NEK1: variants seen among roughly 807,000 people sequenced by gnomAD.
The protein encoded by NEK1 is NIMA related kinase 1.
Under a neutral mutation model 182.1 loss-of-function variants are expected in NEK1, and 137 were observed. That is an observed-to-expected ratio of 0.75 (90% CI 0.65 to 0.87). NEK1 has a LOEUF of 0.87. Among genes scored for constraint, NEK1 ranks in the 40% least tolerant of loss-of-function variants. The pLI is 0.00. For synonymous variants in NEK1, 513 were observed against 492.2 expected, an observed-to-expected ratio of 1.04 and a Z score of -0.56; for missense variants, 1,391 against 1,494.4, an observed-to-expected ratio of 0.93 and a Z score of 1.14.
intron 23 of NEK1, among the ~76,000 whole-genome samples, chr4:169,495,046 T>G (rs1750908945): frequency 1.3e-5 from 2 of 152,160 alleles, no homozygotes; most frequent in South Asian, 4.1e-4. Flanking sequence ...AGGTTGCCTG[T>G]TCACTCTGAT....
At chr4:169,502,203 C>A (rs1217445797) in intron 23 of NEK1, among the ~76,000 whole-genome samples, 3 of 150,930 alleles carry the variant, frequency 2.0e-5, no homozygotes, top group African/African-American at 4.9e-5. Flanking sequence ...AAACTGAAAC[C>A]TTGAACAGAC....
chr4:169,545,956 C>A (rs199605718), intron 18 of NEK1, among the ~76,000 whole-genome samples: 2 of 152,086 alleles, frequency 1.3e-5, no homozygotes, highest in African/African-American at 4.8e-5. Flanking sequence ...TCCATGCTCA[C>A]GGGTAGGAAG....
intron 5 of NEK1, among the ~76,000 whole-genome samples, chr4:169,597,643 A>G (rs1459512208): frequency 2.0e-5 from 3 of 152,072 alleles, no homozygotes; most frequent in South Asian, 2.1e-4. Context: ...CTTAAAAATA[A>G]TAATATCCCA....
rs543772064 is a variant in NEK1 at position 169,444,879 on chromosome 4, G to A, written c.2588-6620C>T. Among the ~76,000 whole-genome samples the A allele has an allele frequency of 3.9e-5, 6 of 152,198 alleles. No individual in the cohort carries two copies. The East Asian group carries it at 5.8e-4, about 15-fold the overall frequency. On this transcript the variant is annotated intron_variant, in intron 27 of 35. Coordinates refer to ENST00000507142, the MANE Select transcript of NEK1 (RefSeq NM_001199397.3). ...AAAACAAATCTCAACAAATTAAAAC[G>A]TAACTACTTCATATCAAGTACCTTC...
Position 169,537,860 on chromosome 4 carries a change from C to A in NEK1, c.1614G>T (p.Leu538=). 1.2e-6 allele frequency: 2 copies of A among 1,611,854 alleles called. No homozygotes were observed. Among genetic ancestry groups the A allele is most frequent in the Non-Finnish European group, 8.5e-7 (1 of 1,178,762 alleles). The change falls in exon 19 of 36, where the codon CTG becomes CTT. Residue 538 remains leucine (L), a synonymous_variant. Transcript: ENST00000507142. The part of the protein sequence containing the change: ...VERAKQVEEF[L]QRKREAMQNK... ...TCTGCATAGCTTCCCGTTTTCGCTGCAGGAACTCTTCTACTTGTTTAGCTC... is the reference window on the plus strand; with the variant it reads ...TCTGCATAGCTTCCCGTTTTCGCTGAAGGAACTCTTCTACTTGTTTAGCTC...
rs968388142 is a variant in NEK1, at chr4:169,603,131, T to C, written c.-48-453A>G. On this transcript the variant is annotated intron_variant, in intron 2 of 35. Coordinates refer to ENST00000507142, the MANE Select transcript of NEK1 (RefSeq NM_001199397.3). ...TACACATATTTTAATGTGCTTATTG[T>C]AAGGATTTCCTTAGGATAAATTCTG... is the stretch of plus-strand genomic sequence containing the variant. 3.3e-5 allele frequency among the ~76,000 whole-genome samples: 5 copies of C among 152,202 alleles called. No homozygotes were observed. The East Asian group carries it at 9.6e-4, about 29-fold the overall frequency.
Position 169,572,821 on chromosome 4 carries a change from T to C in NEK1, c.1020+4107A>G, listed in dbSNP as rs570963097. On this transcript the variant is annotated intron_variant, in intron 12 of 35. Transcript: ENST00000507142. The stretch of plus-strand genomic sequence containing the variant: ...GAAGAAAAATGACCCATGGATTTAA[T>C]AATATAGACATCAGGAGCCATTTCA... Among the ~76,000 whole-genome samples, 14 of 152,246 alleles carry C rather than the reference T, an allele frequency of 9.2e-5. No individual in the cohort carries two copies. In the South Asian group the frequency reaches 2.9e-3, roughly 32 times the overall value.
At chr4:169,405,873 G>A (rs775260048) in intron 32 of NEK1, among the ~76,000 whole-genome samples, 2 of 152,154 alleles carry the variant, frequency 1.3e-5, no homozygotes, top group Non-Finnish European at 2.9e-5. Flanking sequence ...GGAGCCCAAG[G>A]TGGGCAGATC....
chr4:169,531,220 A>G (rs1324560718), intron 19 of NEK1, among the ~76,000 whole-genome samples: 3 of 152,140 alleles, frequency 2.0e-5, no homozygotes, highest in Admixed American at 2.0e-4. Context: ...AGAGCGGCAG[A>G]GTAAGATGAG....
intron 18 of NEK1, among the ~76,000 whole-genome samples, chr4:169,540,914 G>A (rs886816826): frequency 1.3e-5 from 2 of 151,802 alleles, no homozygotes; most frequent in African/African-American, 4.8e-5. Context: ...GGAAAAGGGA[G>A]TAAGTTATTT....
intron 19 of NEK1, among the ~76,000 whole-genome samples, chr4:169,530,620 C>T (rs1166794605): frequency 6.6e-6 from 1 of 150,440 alleles, no homozygotes; most frequent in East Asian, 1.9e-4. Flanking sequence ...AAAATGTAAC[C>T]CCATCGTAAG....
At position 169,576,935 on chromosome 4, in the gene NEK1, T is replaced by C. The variant is rs752005981; in HGVS notation, c.1013A>G (p.His338Arg). ...TATGTAACATGATCATACCTGTTTA[T>C]GTTTTTGCAGTGGTTTCTTTTCGTG... ...KLHEKKPLQK[H>R]KQAHQTPEKR... Residue 338 changes from histidine (H) to arginine (R), a missense_variant, in exon 12 of 36, where the codon CAT becomes CGT. Around this residue, in one of 5 missense-constraint regions of NEK1, gnomAD observed 1,216 missense variants for 1,277.6 expected, o/e 0.95. Coordinates refer to ENST00000507142, the MANE Select transcript of NEK1 (RefSeq NM_001199397.3). 23 of 1,601,772 alleles carry C rather than the reference T, an allele frequency of 1.4e-5. No individual in the cohort carries two copies. Among genetic ancestry groups the C allele is most frequent in the African/African-American group, 2.7e-5 (2 of 74,838 alleles).
chr4:169,506,898 G>T, intron 23 of NEK1, 139 bp downstream of exon 23: 1 of 446,026 alleles, frequency 2.2e-6, no homozygotes, highest in Non-Finnish European at 3.9e-6. Context: ...GAGAGGTAAT[G>T]AGAAAGGGTG....
rs11381394 is a variant in NEK1, at chr4:169,562,332, T to TAA, written c.1021-138_1021-137dup. 3.5e-3 allele frequency: 1,633 copies of TAA among 470,816 alleles called. 1 individual carries two copies. Among genetic ancestry groups the TAA allele is most frequent in the African/African-American group, 7.4e-3 (352 of 47,706 alleles). 29.2% of individuals were successfully genotyped at this position (470,816 alleles called of 1,614,324 possible). ...AACTCTCTTCCAAATTACATTATCT[T>TAA]AAAAAAAAAAATCGTAGTCTTTGAT... On this transcript the variant is annotated intron_variant, in intron 12 of 35. Transcript: ENST00000507142.
At chr4:169,528,619 T>C (rs1757237404) in intron 19 of NEK1, among the ~76,000 whole-genome samples, 1 of 152,144 alleles carries the variant, frequency 6.6e-6, no homozygotes, top group Non-Finnish European at 1.5e-5. Flanking sequence ...GGTAACTTGC[T>C]ACACTGCAAA....
chr4:169,579,168 T>C (rs1277106045), intron 11 of NEK1, among the ~76,000 whole-genome samples: 1 of 152,234 alleles, frequency 6.6e-6, no homozygotes, highest in Non-Finnish European at 1.5e-5. Flanking sequence ...CAAGGCTACC[T>C]ATGGCATGAA....
At position 169,571,015 on chromosome 4, in the gene NEK1, T is replaced by G. The variant is rs534831019; in HGVS notation, c.1020+5913A>C. On this transcript the variant is annotated intron_variant, in intron 12 of 35. Transcript: ENST00000507142. Reference sequence around the variant, plus strand: ...TAAGAGTCATCACCACTCCCTAATCTCAAGTACCCAGGGACACAAACACTG... The same window carrying G: ...TAAGAGTCATCACCACTCCCTAATCGCAAGTACCCAGGGACACAAACACTG... Among the ~76,000 whole-genome samples, 742 of 151,728 alleles carry G rather than the reference T, an allele frequency of 4.9e-3. 4 individuals are homozygous for G. Among genetic ancestry groups the G allele is most frequent in the Non-Finnish European group, 8.0e-3 (542 of 67,854 alleles).
chr4:169,577,339 T>C (rs2150035730), intron 11 of NEK1, among the ~76,000 whole-genome samples: 1 of 151,804 alleles, frequency 6.6e-6, no homozygotes, highest in South Asian at 2.1e-4. Context: ...ATCCCTGAAA[T>C]TGACTGTGAG....
chr4:169,437,435 T>C (rs986836123), intron 28 of NEK1, among the ~76,000 whole-genome samples: 3 of 152,154 alleles, frequency 2.0e-5, no homozygotes, highest in African/African-American at 4.8e-5. Context: ...ATGGCAGATT[T>C]AGGACAGATG....
Sources: gnomAD v4.1 joint callset for allele counts (sites outside exome capture counted in the v4.1 genomes callset) on GRCh38, gnomAD v4.1.1 for gene constraint, gnomAD v4.1.1 regional missense constraint, MANE v1.5 for transcripts, NCBI Gene and HGNC (gene_info 2026-07-23, HGNC 2026-07-21) for gene names.